Variants in FBN2 observed in about 807,000 individuals in gnomAD.
FBN2 encodes fibrillin-2.
In FBN2, 105 loss-of-function variants were observed where a neutral mutation model predicts 355.6. That is an observed-to-expected ratio of 0.30 (90% confidence interval 0.25 to 0.35). FBN2 has a LOEUF of 0.35. FBN2 is among the 10% of genes least tolerant of loss of function. The pLI, the probability that FBN2 is intolerant of heterozygous loss-of-function variation, is 1.00. For missense variants in FBN2, 3,280 were observed against 3,758.7 expected, an observed-to-expected ratio of 0.87 and a Z score of 3.33; for synonymous variants, 1,350 against 1,301.2, an observed-to-expected ratio of 1.04 and a Z score of -0.81.
chr5:128,359,104 G>T (rs1268151082), intron 19 of FBN2, among the ~76,000 whole-genome samples: 1 of 151,956 alleles, frequency 6.6e-6, no homozygotes, highest in Non-Finnish European at 1.5e-5. Context: ...AACTTTCACA[G>T]ACTCTCAGAG....
intron 7 of FBN2, chr5:128,442,235 A>G (rs17697995): frequency 0.017 from 7,575 of 447,272 alleles, 454 homozygotes; most frequent in Admixed American, 0.13. Flanking sequence ...AAACTTTCCA[A>G]TACAATGATG....
At chr5:128,320,651 GAAAAC>G (rs1750343909) in intron 34 of FBN2, among the ~76,000 whole-genome samples, 1 of 152,020 alleles carries the variant, frequency 6.6e-6, no homozygotes, top group South Asian at 2.1e-4. Flanking sequence ...AAATAATACA[GAAAAC>G]AAAACAGCAA....
At chr5:128,507,391 C>G (rs1442525332) in intron 5 of FBN2, among the ~76,000 whole-genome samples, 2 of 151,996 alleles carry the variant, frequency 1.3e-5, no homozygotes, top group East Asian at 3.9e-4. Context: ...ATATAACATA[C>G]ACACATTCAC....
chr5:128,349,320 T>A (rs372419552), intron 23 of FBN2, 27 bp downstream of exon 23: 1 of 1,613,868 alleles, frequency 6.2e-7, no homozygotes, highest in South Asian at 1.1e-5. Flanking sequence ...GTTTTATACA[T>A]AGAATACATG....
At position 128,505,171 on chromosome 5, in the gene FBN2, A is replaced by G. The variant is rs1245243964; in HGVS notation, c.628+14102T>C. On this transcript the variant is annotated intron_variant, in intron 5 of 64. Transcript: ENST00000262464. ...AACCTCTTTCCTTTATAAATTACCCATTCTTGGTTATGTCTTTATTAGCAG... is the reference window on the plus strand; with the variant it reads ...AACCTCTTTCCTTTATAAATTACCCGTTCTTGGTTATGTCTTTATTAGCAG... Among the ~76,000 whole-genome samples, 4 of 152,254 alleles carry G rather than the reference A, an allele frequency of 2.6e-5. No individual in the cohort carries two copies. In the East Asian group the frequency reaches 7.7e-4, roughly 29 times the overall value.
Position 128,369,166 on chromosome 5 carries a change from TG to T in FBN2, c.2248+15del, listed in dbSNP as rs1443650723. The T allele has an allele frequency of 1.9e-6, 3 of 1,613,702 alleles. No homozygotes were observed. Among genetic ancestry groups the T allele is most frequent in the Non-Finnish European group, 2.5e-6 (3 of 1,179,730 alleles). ...CTTGATTCTTTATCAACTGTGAAAA[TG>T]GCACATGTGACTACCTGAATTTTTT... On this transcript the variant is annotated intron_variant, in intron 16 of 64. Coordinates refer to ENST00000262464, the MANE Select transcript of FBN2 (RefSeq NM_001999.4).
chr5:128,537,870 C>G lies in FBN2; in HGVS notation c.-267G>C. ...GCAGCCGGCAGCCCCGAGCGGTACA[C>G]GTTGCATAACCGGCCTAAAGCCCCG... On this transcript the variant is annotated 5_prime_UTR_variant, in exon 1 of 65. Coordinates refer to ENST00000262464, the MANE Select transcript of FBN2 (RefSeq NM_001999.4). 4 of 555,194 alleles carry G rather than the reference C, an allele frequency of 7.2e-6. No homozygotes were observed. The highest frequency in any genetic ancestry group is 1.3e-5 in the Non-Finnish European group (4 of 312,288). 34.4% of individuals were successfully genotyped at this position (555,194 alleles called of 1,614,324 possible).
chr5:128,414,813 T>C (rs561363913), intron 7 of FBN2, among the ~76,000 whole-genome samples: 1 of 152,228 alleles, frequency 6.6e-6, no homozygotes, highest in South Asian at 2.1e-4. Flanking sequence ...CTACTTTTTT[T>C]TTTGCTTGTA....
chr5:128,336,219 C>T (rs1750837698), intron 27 of FBN2, 106 bp from the exon 28 acceptor site: 1 of 1,098,224 alleles, frequency 9.1e-7, no homozygotes. Flanking sequence ...TTGTGTACTT[C>T]ACGAGGAAGT....
At chr5:128,377,644 A>G in intron 13 of FBN2, 108 bp downstream of exon 13, 2 of 1,136,074 alleles carry the variant, frequency 1.8e-6, no homozygotes, top group Middle Eastern at 3.9e-4. Context: ...AGTTACCTGA[A>G]GATCTCACAT....
chr5:128,337,685 A>ACAC (rs745899921), intron 27 of FBN2, among the ~76,000 whole-genome samples: 1 of 152,208 alleles, frequency 6.6e-6, no homozygotes, highest in African/African-American at 2.4e-5. Flanking sequence ...TGCACAACGC[A>ACAC]CACAGTAGCT....
chr5:128,482,837 C>T (rs926201580), intron 5 of FBN2, among the ~76,000 whole-genome samples: 1 of 151,988 alleles, frequency 6.6e-6, no homozygotes, highest in Admixed American at 6.6e-5. Flanking sequence ...TTGTTCTGGT[C>T]TCATTCATAC....
chr5:128,316,091 A>G (rs1283112122), intron 36 of FBN2, among the ~76,000 whole-genome samples: 1 of 152,238 alleles, frequency 6.6e-6, no homozygotes, highest in Non-Finnish European at 1.5e-5. Context: ...TGTTCAATAA[A>G]TGCTAAAAGA....
chr5:128,432,907 A>C (rs1753662918), intron 7 of FBN2, among the ~76,000 whole-genome samples: 2 of 152,040 alleles, frequency 1.3e-5, no homozygotes, highest in Admixed American at 6.6e-5. Context: ...AAGAAGAGGC[A>C]CATTTTACAC....
intron 45 of FBN2, 48 bp from the exon 46 acceptor site, chr5:128,303,137 A>G (rs1749766773): frequency 1.8e-6 from 2 of 1,115,418 alleles, no homozygotes; most frequent in Non-Finnish European, 2.8e-6. Context: ...ACTAGAAAAA[A>G]ATGGGCTATT....
chr5:128,468,027 T>C (rs1265404270), intron 5 of FBN2, among the ~76,000 whole-genome samples: 1 of 152,168 alleles, frequency 6.6e-6, no homozygotes, highest in Non-Finnish European at 1.5e-5. Context: ...TTTTAGTAAA[T>C]TTATTGAATT....
chr5:128,464,036 G>A (rs1157234202), intron 6 of FBN2, among the ~76,000 whole-genome samples: 1 of 152,108 alleles, frequency 6.6e-6, no homozygotes, highest in Non-Finnish European at 1.5e-5. Flanking sequence ...GCTAGAAAAA[G>A]GTAAGAATTG....
intron 11 of FBN2, among the ~76,000 whole-genome samples, chr5:128,390,935 T>C (rs1198245005): frequency 6.6e-6 from 1 of 152,222 alleles, no homozygotes; most frequent in African/African-American, 2.4e-5. Context: ...AAGGCATTTT[T>C]ATGAGTTTGA....
intron 7 of FBN2, among the ~76,000 whole-genome samples, chr5:128,432,565 A>G (rs186305091): frequency 1.1e-4 from 16 of 152,286 alleles, no homozygotes; most frequent in African/African-American, 3.8e-4. Context: ...AATATTTACT[A>G]TCTGGCTCTT....
Sources: allele counts gnomAD v4.1 joint callset (sites outside exome capture counted in the v4.1 genomes callset), GRCh38; gene constraint gnomAD v4.1.1; transcripts MANE v1.5; gene names NCBI Gene and HGNC (gene_info 2026-07-23, HGNC 2026-07-21).